Variants in ZNF385D observed in about 807,000 individuals in gnomAD.
ZNF385D encodes zinc finger protein 385D.
A neutral mutation model predicts 35.8 loss-of-function variants in ZNF385D; 15 were observed. The observed-to-expected ratio is 0.42, with a 90% CI of 0.28 to 0.64. The LOEUF is 0.64. Ranked by LOEUF, ZNF385D falls within the 30% of genes least tolerant of loss-of-function variation. The pLI, the probability that ZNF385D is intolerant of heterozygous loss-of-function variation, is 0.23. For synonymous variants in ZNF385D, 212 were observed against 186.8 expected (o/e 1.13, Z -1.10); for missense variants, 474 against 494.6 (o/e 0.96, Z 0.39).
intron 3 of ZNF385D, among the ~76,000 whole-genome samples, chr3:21,533,346 C>CTTTTAT (rs922950794): frequency 6.6e-6 from 1 of 151,988 alleles, no homozygotes; most frequent in Non-Finnish European, 1.5e-5. Context: ...TGGAAAATGC[C>CTTTTAT]TTTTATTTTT....
At chr3:22,065,780 C>G (rs535423438) in intron 3 of ZNF385D, among the ~76,000 whole-genome samples, 3 of 152,206 alleles carry the variant, frequency 2.0e-5, no homozygotes, top group East Asian at 3.9e-4. Context: ...CTTAAGGGCA[C>G]CAGTGGCCAC....
chr3:22,006,451 G>C (rs1696208718), intron 3 of ZNF385D, among the ~76,000 whole-genome samples: 2 of 152,004 alleles, frequency 1.3e-5, no homozygotes, highest in African/African-American at 4.8e-5. Flanking sequence ...TCCCAGAAAT[G>C]ATTTTGAAGT....
intron 3 of ZNF385D, among the ~76,000 whole-genome samples, chr3:21,553,637 A>G (rs1408547778): frequency 1.3e-5 from 2 of 152,206 alleles, no homozygotes; most frequent in East Asian, 1.9e-4. Context: ...TCTCTTTAGC[A>G]TAAAATGCTG....
chr3:21,822,281 C>T (rs1260125410), intron 3 of ZNF385D, among the ~76,000 whole-genome samples: 4 of 151,890 alleles, frequency 2.6e-5, no homozygotes, highest in Non-Finnish European at 5.9e-5. Flanking sequence ...ACCGTGTTAG[C>T]CAGGATGGTC....
intron 2 of ZNF385D, among the ~76,000 whole-genome samples, chr3:22,312,427 C>T (rs547952456): frequency 1.7e-4 from 26 of 152,210 alleles, no homozygotes; most frequent in Admixed American, 1.4e-3. Context: ...TAAAGAGCTT[C>T]TGCACAGCAA....
At chr3:22,122,132 T>C (rs1318661763) in intron 3 of ZNF385D, among the ~76,000 whole-genome samples, 1 of 152,092 alleles carries the variant, frequency 6.6e-6, no homozygotes, top group Non-Finnish European at 1.5e-5. Flanking sequence ...TTTAAACCCC[T>C]TCCTTCCCCC....
At chr3:21,653,350 G>T in intron 2 of ZNF385D, among the ~76,000 whole-genome samples, 1 of 148,962 alleles carries the variant, frequency 6.7e-6, no homozygotes, top group Middle Eastern at 3.3e-3. Context: ...TGTTTATATT[G>T]TTTCTTTTTT....
At chr3:21,901,806 C>G (rs1309705549) in intron 3 of ZNF385D, among the ~76,000 whole-genome samples, 4 of 152,156 alleles carry the variant, frequency 2.6e-5, no homozygotes, top group Admixed American at 2.6e-4. Context: ...AAGACCCAGA[C>G]TAACAGGTTA....
At chr3:21,886,273 T>C (rs960799797) in intron 3 of ZNF385D, among the ~76,000 whole-genome samples, 1 of 152,070 alleles carries the variant, frequency 6.6e-6, no homozygotes, top group African/African-American at 2.4e-5. Context: ...AGGTTTTCCT[T>C]CCTCTAAGTC....
At chr3:22,184,561 C>T (rs946283161) in intron 2 of ZNF385D, among the ~76,000 whole-genome samples, 11 of 152,106 alleles carry the variant, frequency 7.2e-5, no homozygotes, top group Non-Finnish European at 1.5e-4. Context: ...TACAGTGGCT[C>T]ATGCCTGTAA....
At chr3:21,947,822 T>C (rs1019803301) in intron 3 of ZNF385D, among the ~76,000 whole-genome samples, 8 of 152,204 alleles carry the variant, frequency 5.3e-5, no homozygotes, top group African/African-American at 1.7e-4. Flanking sequence ...AGAAAGACTC[T>C]TTCCAAGTCA....
At chr3:21,521,921 T>C (rs1340700135) in intron 3 of ZNF385D, among the ~76,000 whole-genome samples, 1 of 152,126 alleles carries the variant, frequency 6.6e-6, no homozygotes, top group Admixed American at 6.5e-5. Context: ...CTTAGAATAA[T>C]TGGCAAGAGC....
At chr3:21,870,701 ATAGG>A (rs1486504161) in intron 3 of ZNF385D, among the ~76,000 whole-genome samples, 2 of 152,144 alleles carry the variant, frequency 1.3e-5, no homozygotes, top group Non-Finnish European at 2.9e-5. Flanking sequence ...ACTTTTATAG[ATAGG>A]TAGATAGGCG....
intron 3 of ZNF385D, among the ~76,000 whole-genome samples, chr3:21,977,620 A>C (rs1261388551): frequency 6.6e-6 from 1 of 152,026 alleles, no homozygotes; most frequent in Non-Finnish European, 1.5e-5. Context: ...GGAGCTAGAG[A>C]TGATCCTGGG....
upstream of ZNF385D, among the ~76,000 whole-genome samples, chr3:21,753,615 G>C (rs2070202378): frequency 6.6e-6 from 1 of 152,140 alleles, no homozygotes; most frequent in Non-Finnish European, 1.5e-5. Context: ...CTGCAATTAA[G>C]GCTTATCTGG....
intron 2 of ZNF385D, among the ~76,000 whole-genome samples, chr3:22,247,693 G>A (rs939021753): frequency 1.2e-4 from 18 of 151,470 alleles, no homozygotes; most frequent in South Asian, 2.1e-4. Context: ...GCAGTGGTGC[G>A]ATCTTGGCTC....
intron 3 of ZNF385D, among the ~76,000 whole-genome samples, chr3:21,823,694 G>C (rs1009874369): frequency 6.6e-6 from 1 of 152,102 alleles, no homozygotes; most frequent in African/African-American, 2.4e-5. Flanking sequence ...CAGTATCAGA[G>C]CAGAAAACTC....
chr3:21,730,028 T>C (rs1023868637), intron 1 of ZNF385D, among the ~76,000 whole-genome samples: 1 of 152,222 alleles, frequency 6.6e-6, no homozygotes, highest in Non-Finnish European at 1.5e-5. Flanking sequence ...CATCTAACTT[T>C]GTTTTCCTAG....
At chr3:21,982,923 C>A (rs941363250) in intron 3 of ZNF385D, among the ~76,000 whole-genome samples, 1 of 151,756 alleles carries the variant, frequency 6.6e-6, no homozygotes, top group Non-Finnish European at 1.5e-5. Flanking sequence ...AACCAACTTG[C>A]CTTCTGGGGA....
Sources: gnomAD v4.1 joint callset for allele counts (sites outside exome capture counted in the v4.1 genomes callset) on GRCh38, gnomAD v4.1.1 for gene constraint, MANE v1.5 for transcripts, NCBI Gene and HGNC (gene_info 2026-07-23, HGNC 2026-07-21) for gene names.